The following GPR137C variants were observed in gnomAD, a reference collection of about 807,000 sequenced individuals.
The protein encoded by GPR137C is G protein-coupled receptor 137C, also known as integral membrane protein GPR137C.
In GPR137C, 27 loss-of-function variants were observed where a neutral mutation model predicts 43.4. The observed-to-expected ratio is 0.62, with a 90% CI of 0.46 to 0.86. The LOEUF (loss-of-function observed/expected upper bound fraction) is 0.86, where lower values mean the gene tolerates loss of function less well. Among genes scored for constraint, GPR137C ranks in the 40% least tolerant of loss-of-function variants. The pLI, the probability that GPR137C is intolerant of heterozygous loss-of-function variation, is 0.00. For synonymous variants in GPR137C, 285 were observed against 226.9 expected (o/e 1.26, Z -2.30); for missense variants, 522 against 534.6 (o/e 0.98, Z 0.23).
intron 3 of GPR137C, 95 bp from the exon 4 acceptor site, chr14:52,632,065 G>A (rs1469381672): frequency 2.7e-6 from 2 of 737,844 alleles, no homozygotes; most frequent in East Asian, 2.7e-5. Flanking sequence ...CTTTGTAGGA[G>A]TGCATTGCAA....
chr14:52,579,214 T>C (rs1293654699), intron 1 of GPR137C, among the ~76,000 whole-genome samples: 1 of 152,160 alleles, frequency 6.6e-6, no homozygotes, highest in Non-Finnish European at 1.5e-5. Context: ...TGTATACCAG[T>C]CATCTCCATT....
intron 1 of GPR137C, among the ~76,000 whole-genome samples, chr14:52,582,388 G>A (rs1216454210): frequency 6.6e-6 from 1 of 152,162 alleles, no homozygotes; most frequent in Non-Finnish European, 1.5e-5. Flanking sequence ...CAAGTCTTGG[G>A]ATACTTGTAT....
intron 6 of GPR137C, 122 bp downstream of exon 6, chr14:52,634,068 C>T (rs928895011): frequency 2.6e-4 from 172 of 658,110 alleles, no homozygotes; most frequent in Non-Finnish European, 1.3e-4. Flanking sequence ...TAAATAAGAT[C>T]GGCAATACTG....
At chr14:52,595,824 C>G (rs755892545) in intron 1 of GPR137C, among the ~76,000 whole-genome samples, 1 of 152,160 alleles carries the variant, frequency 6.6e-6, no homozygotes, top group African/African-American at 2.4e-5. Context: ...TCTGTCAACT[C>G]GTCAAACTCG....
intron 1 of GPR137C, among the ~76,000 whole-genome samples, chr14:52,577,453 C>G (rs981825506): frequency 2.6e-5 from 4 of 151,384 alleles, no homozygotes; most frequent in Admixed American, 6.6e-5. Flanking sequence ...AAACCCAAAG[C>G]TAGCAGAAAA....
intron 1 of GPR137C, among the ~76,000 whole-genome samples, chr14:52,555,512 A>G (rs1004694580): frequency 3.3e-5 from 5 of 152,198 alleles, no homozygotes; most frequent in Middle Eastern, 3.2e-3. Context: ...AAGGAGATAT[A>G]TTTAAGCTCA....
Position 52,588,710 on chromosome 14 carries a change from ATT to A in GPR137C, c.445-9555_445-9554del, listed in dbSNP as rs545007017. On this transcript the variant is annotated intron_variant, in intron 1 of 6. Coordinates refer to ENST00000321662, the MANE Select transcript of GPR137C (RefSeq NM_001099652.2). ...ATATGTACCTAATGCATAATCCTGG[ATT>A]TTTTTTCATAAAATACTTTATTGGA... is the stretch of plus-strand genomic sequence containing the variant. 2.7e-3 allele frequency among the ~76,000 whole-genome samples: 409 copies of A among 152,130 alleles called. 4 individuals carry two copies. Among genetic ancestry groups the A allele is most frequent in the Non-Finnish European group, 1.7e-3 (113 of 67,964 alleles).
chr14:52,620,946 T>C (rs564657168), intron 3 of GPR137C, among the ~76,000 whole-genome samples: 4 of 151,932 alleles, frequency 2.6e-5, no homozygotes, highest in African/African-American at 9.6e-5. Flanking sequence ...TGTGTAATTA[T>C]CATCCCCAAA....
chr14:52,589,353 C>G, intron 1 of GPR137C, among the ~76,000 whole-genome samples: 1 of 151,934 alleles, frequency 6.6e-6, no homozygotes, highest in Non-Finnish European at 1.5e-5. Flanking sequence ...TGCCACTGAA[C>G]CATACACTAA....
At chr14:52,559,148 C>G (rs914927413) in intron 1 of GPR137C, among the ~76,000 whole-genome samples, 1 of 152,080 alleles carries the variant, frequency 6.6e-6, no homozygotes, top group African/African-American at 2.4e-5. Context: ...GAGGCCAAGG[C>G]AGGCAGATAC....
intron 1 of GPR137C, among the ~76,000 whole-genome samples, chr14:52,569,178 C>A (rs982158739): frequency 4.6e-5 from 7 of 152,206 alleles, no homozygotes; most frequent in Non-Finnish European, 1.0e-4. Flanking sequence ...GGACCTCCAG[C>A]AGACCTGCAC....
chr14:52,592,844 C>G (rs1377241805), intron 1 of GPR137C, among the ~76,000 whole-genome samples: 3 of 152,152 alleles, frequency 2.0e-5, no homozygotes, highest in Non-Finnish European at 4.4e-5. Context: ...CCTGATTGCC[C>G]TGGCCAGAAT....
intron 3 of GPR137C, among the ~76,000 whole-genome samples, chr14:52,624,634 G>A (rs1193384572): frequency 6.6e-6 from 1 of 151,696 alleles, no homozygotes; most frequent in Non-Finnish European, 1.5e-5. Flanking sequence ...TGAAGTGGGA[G>A]GATAGCCGGA....
chr14:52,580,351 G>T (rs1388117127), intron 1 of GPR137C, among the ~76,000 whole-genome samples: 2 of 149,774 alleles, frequency 1.3e-5, no homozygotes, highest in African/African-American at 4.9e-5. Context: ...GCAGAGAGAA[G>T]AGACTAAAAG....
intron 1 of GPR137C, among the ~76,000 whole-genome samples, chr14:52,592,212 G>C (rs2038793486): frequency 6.6e-6 from 1 of 152,170 alleles, no homozygotes; most frequent in Admixed American, 6.6e-5. Flanking sequence ...GTACCATGCT[G>C]TTTTGGTTAC....
chr14:52,553,428 C>T lies in GPR137C; in HGVS notation c.281C>T (p.Ala94Val), dbSNP rs1412668312. 2 of 1,608,866 alleles carry T rather than the reference C, an allele frequency of 1.2e-6. No individual in the cohort carries two copies. Among genetic ancestry groups the T allele is most frequent in the African/African-American group, 1.3e-5 (1 of 74,936 alleles). The stretch of plus-strand genomic sequence containing the variant: ...CTCTTCCTCTGTCTCCTGTGGGCAG[C>T]GCTCAGGACCACCCTCTTCTCCGCC... The part of the protein sequence containing the change: ...LCLFLCLLWA[A>V]LRTTLFSAAF... Residue 94 changes from alanine to valine, a missense_variant, in exon 1 of 7, where the codon GCG (alanine) becomes GTG (valine). Coordinates refer to ENST00000321662, the MANE Select transcript of GPR137C (RefSeq NM_001099652.2).
intron 1 of GPR137C, among the ~76,000 whole-genome samples, chr14:52,563,362 C>T (rs1329439840): frequency 2.4e-5 from 3 of 126,344 alleles, no homozygotes; most frequent in Non-Finnish European, 5.4e-5. Context: ...GATCCTTACT[C>T]ACCCATACTA....
intron 1 of GPR137C, among the ~76,000 whole-genome samples, chr14:52,563,410 ATCT>A (rs1359995368): frequency 1.3e-5 from 2 of 152,112 alleles, no homozygotes; most frequent in Non-Finnish European, 1.5e-5. Context: ...CTGATTTGAC[ATCT>A]TCATGGTATC....
chr14:52,633,614 G>A lies in GPR137C; in HGVS notation c.952G>A (p.Val318Met), dbSNP rs768360524. The A allele has an allele frequency of 1.2e-6, 2 of 1,613,140 alleles. No individual in the cohort carries two copies. The highest frequency in any genetic ancestry group is 1.7e-6 in the Non-Finnish European group (2 of 1,179,342). Residue 318 changes from valine (V) to methionine (M), a missense_variant, in exon 5 of 7, where the codon GTG (valine) becomes ATG (methionine). Coordinates refer to ENST00000321662, the MANE Select transcript of GPR137C (RefSeq NM_001099652.2). ...FLWEHVPAWS[V>M]VLFFRAQRLN... ...GTGGGAACATGTGCCAGCATGGTCG[G>A]TGGTACTGTTTTTCCGGGCACAGAG...
Sources: gnomAD v4.1 joint callset for allele counts (sites outside exome capture counted in the v4.1 genomes callset) on GRCh38, gnomAD v4.1.1 for gene constraint, MANE v1.5 for transcripts, NCBI Gene and HGNC (gene_info 2026-07-23, HGNC 2026-07-21) for gene names.